The following NOP58 variants were observed in gnomAD, a reference collection of about 807,000 sequenced individuals.
NOP58 encodes NOP58 ribonucleoprotein, also known as nucleolar protein 58.
A neutral mutation model predicts 71.2 loss-of-function variants in NOP58; 44 were observed. That is an observed-to-expected ratio of 0.62 (90% CI 0.49 to 0.79). NOP58 has a LOEUF of 0.79. Among genes scored for constraint, NOP58 ranks in the 30% least tolerant of loss-of-function variants. The pLI is 0.00. For synonymous variants in NOP58, 228 were observed against 200.3 expected (o/e 1.14, Z -1.17); for missense variants, 538 against 620.2 (o/e 0.87, Z 1.41).
intron 7 of NOP58, 171 bp from the exon 8 acceptor site, chr2:202,290,954 T>C: frequency 3.7e-6 from 2 of 533,754 alleles, no homozygotes; most frequent in South Asian, 3.5e-5. Flanking sequence ...ATGTCTAAAC[T>C]TAAACCCTTA....
At chr2:202,273,173 A>G (rs1236317201) in intron 1 of NOP58, among the ~76,000 whole-genome samples, 1 of 152,232 alleles carries the variant, frequency 6.6e-6, no homozygotes, top group Non-Finnish European at 1.5e-5. Context: ...TCTAAAACTG[A>G]AGTTAAAATA....
At position 202,279,011 on chromosome 2, in the gene NOP58, T is replaced by C. The variant is rs1688655593; in HGVS notation, c.175+1009T>C. 2.0e-5 allele frequency among the ~76,000 whole-genome samples: 3 copies of C among 152,162 alleles called. No homozygotes were observed. In the South Asian group the frequency reaches 6.2e-4, roughly 32 times the overall value. ...CAGTAATTAGAGTTATATACAGCCA[T>C]AAAAAAAACTGTGGTAATATTAACT... is the stretch of plus-strand genomic sequence containing the variant. On this transcript the variant is annotated intron_variant, in intron 3 of 14. Coordinates refer to ENST00000264279, the MANE Select transcript of NOP58 (RefSeq NM_015934.5).
intron 10 of NOP58, among the ~76,000 whole-genome samples, chr2:202,297,086 G>C (rs191790555): frequency 5.9e-5 from 9 of 152,276 alleles, no homozygotes; most frequent in East Asian, 3.9e-4. Flanking sequence ...CTTCTTTTCA[G>C]TGACCTCATA....
In NOP58 at chr2:202,284,251, C is replaced by T. The variant is rs541327468; in HGVS notation, c.298-94C>T. 18 of 1,050,712 alleles carry T rather than the reference C, an allele frequency of 1.7e-5. 1 individual carries two copies. The South Asian group carries it at 1.8e-4, about 11-fold the overall frequency. 65.1% of individuals were successfully genotyped at this position (1,050,712 alleles called of 1,614,324 possible). On this transcript the variant is annotated intron_variant, in intron 4 of 14. Coordinates refer to ENST00000264279, the MANE Select transcript of NOP58 (RefSeq NM_015934.5). ...TTGCGCCACTGCACTCCAGCCTGGGCGACAGAGTGATACTGTGTCTCAAAA... is the reference window on the plus strand; with the variant it reads ...TTGCGCCACTGCACTCCAGCCTGGGTGACAGAGTGATACTGTGTCTCAAAA...
intron 1 of NOP58, among the ~76,000 whole-genome samples, chr2:202,267,414 C>A (rs1053562299): frequency 2.6e-5 from 4 of 152,078 alleles, no homozygotes; most frequent in African/African-American, 9.7e-5. Context: ...CCAATAAAAT[C>A]ATTAAAACCG....
intron 5 of NOP58, among the ~76,000 whole-genome samples, chr2:202,286,492 A>G (rs1340029323): frequency 2.0e-5 from 3 of 152,076 alleles, no homozygotes; most frequent in East Asian, 3.9e-4. Context: ...GTGACAGAGT[A>G]AGACTCCGTC....
intron 3 of NOP58, among the ~76,000 whole-genome samples, chr2:202,279,965 AT>A (rs1688673382): frequency 6.6e-6 from 1 of 152,190 alleles, no homozygotes; most frequent in Admixed American, 6.5e-5. Context: ...TATAATAAAT[AT>A]TTTGGGGAAA....
intron 1 of NOP58, among the ~76,000 whole-genome samples, chr2:202,269,788 T>A (rs1056785933): frequency 1.9e-4 from 29 of 152,206 alleles, no homozygotes; most frequent in Non-Finnish European, 4.0e-4. Context: ...TGTCCTTGTG[T>A]CACGTGGCAC....
At chr2:202,279,214 T>G (rs1465438907) in intron 3 of NOP58, among the ~76,000 whole-genome samples, 1 of 152,184 alleles carries the variant, frequency 6.6e-6, no homozygotes, top group Non-Finnish European at 1.5e-5. Flanking sequence ...CTGAATTCCT[T>G]TTTGCATACG....
chr2:202,290,226 C>T, intron 6 of NOP58, 97 bp from the exon 7 acceptor site: 2 of 950,776 alleles, frequency 2.1e-6, no homozygotes, highest in Admixed American at 2.7e-5. Flanking sequence ...AGACATGAGC[C>T]ACCGTGCCCA....
At chr2:202,272,356 G>A (rs894317522) in intron 1 of NOP58, among the ~76,000 whole-genome samples, 3 of 151,676 alleles carry the variant, frequency 2.0e-5, no homozygotes, top group African/African-American at 4.8e-5. Context: ...GGGTTTCACC[G>A]TGTTAGCTAG....
At chr2:202,271,036 C>A (rs1236926629) in intron 1 of NOP58, among the ~76,000 whole-genome samples, 2 of 150,560 alleles carry the variant, frequency 1.3e-5, no homozygotes, top group Admixed American at 1.3e-4. Flanking sequence ...GTGAGAAGAC[C>A]GCGCCTCTGC....
At chr2:202,290,553 A>T in intron 7 of NOP58, 96 bp downstream of exon 7, 1 of 1,119,024 alleles carries the variant, frequency 8.9e-7, no homozygotes, top group Non-Finnish European at 1.3e-6. Flanking sequence ...CAAGATTCCC[A>T]GGGTTTTTGC....
At chr2:202,268,398 G>T (rs1466150068) in intron 1 of NOP58, among the ~76,000 whole-genome samples, 1 of 151,664 alleles carries the variant, frequency 6.6e-6, no homozygotes, top group African/African-American at 2.4e-5. Flanking sequence ...AGCTGGGCGT[G>T]GTGGTGTGCG....
chr2:202,284,682 C>T, intron 5 of NOP58: 1 of 514,410 alleles, frequency 1.9e-6, no homozygotes, highest in Non-Finnish European at 3.4e-6. Context: ...GATTTGAACC[C>T]AGGCAGTCTG....
chr2:202,282,499 C>G (rs750824589), intron 4 of NOP58, 27 bp downstream of exon 4: 5 of 1,595,536 alleles, frequency 3.1e-6, no homozygotes, highest in Non-Finnish European at 4.3e-6. Context: ...TTTGGTCATG[C>G]CTGCTAGTCA....
At chr2:202,274,559 T>A (rs1289331087) in intron 1 of NOP58, among the ~76,000 whole-genome samples, 1 of 151,996 alleles carries the variant, frequency 6.6e-6, no homozygotes, top group Non-Finnish European at 1.5e-5. Flanking sequence ...AAGTTTTTAA[T>A]GATTACAATA....
chr2:202,297,346 C>G, intron 10 of NOP58, 33 bp from the exon 11 acceptor site: 1 of 1,591,540 alleles, frequency 6.3e-7, no homozygotes, highest in Admixed American at 1.7e-5. Context: ...TACATCTGAA[C>G]ATGGAATATA....
chr2:202,290,099 G>T (rs1688860480), intron 6 of NOP58, among the ~76,000 whole-genome samples: 1 of 152,062 alleles, frequency 6.6e-6, no homozygotes, highest in African/African-American at 2.4e-5. Context: ...GGGACTACAG[G>T]TGTGCACCAC....
Sources: allele counts gnomAD v4.1 joint callset (sites outside exome capture counted in the v4.1 genomes callset), GRCh38; gene constraint gnomAD v4.1.1; transcripts MANE v1.5; gene names NCBI Gene and HGNC (gene_info 2026-07-23, HGNC 2026-07-21).